Variants in ERBB4 observed in about 807,000 individuals in gnomAD.
The protein encoded by ERBB4 is receptor tyrosine-protein kinase erbB-4.
A neutral mutation model predicts 158.0 loss-of-function variants in ERBB4; 42 were observed. The observed-to-expected ratio is 0.27, with a 90% CI of 0.21 to 0.34. The LOEUF is 0.34. Ranked by LOEUF, ERBB4 falls within the 10% of genes least tolerant of loss-of-function variation. The probability of loss-of-function intolerance (pLI) is 1.00; values close to 1 mark genes in which losing one functional copy is unlikely to be tolerated. For missense variants in ERBB4, 1,333 were observed against 1,624.1 expected, an observed-to-expected ratio of 0.82 and a Z score of 3.08; for synonymous variants, 583 against 558.7, an observed-to-expected ratio of 1.04 and a Z score of -0.61.
At chr2:211,858,718 C>G (rs1397287190) in intron 3 of ERBB4, among the ~76,000 whole-genome samples, 1 of 152,152 alleles carries the variant, frequency 6.6e-6, no homozygotes, top group Non-Finnish European at 1.5e-5. Context: ...TAGAAATATA[C>G]TTTCCATTAA....
At chr2:212,160,507 T>A (rs1262443866) in intron 1 of ERBB4, among the ~76,000 whole-genome samples, 1 of 151,996 alleles carries the variant, frequency 6.6e-6, no homozygotes, top group Non-Finnish European at 1.5e-5. Flanking sequence ...TAAATGTATA[T>A]CAGTGTGAAT....
chr2:211,770,500 C>G (rs1385630892), intron 4 of ERBB4, among the ~76,000 whole-genome samples: 2 of 152,152 alleles, frequency 1.3e-5, no homozygotes, highest in Non-Finnish European at 2.9e-5. Context: ...AAACCTTTCT[C>G]ATATCAGTGA....
At chr2:212,331,179 T>C (rs913892248) in intron 1 of ERBB4, among the ~76,000 whole-genome samples, 1 of 149,884 alleles carries the variant, frequency 6.7e-6, no homozygotes, top group Non-Finnish European at 1.5e-5. Flanking sequence ...ACAGACCACA[T>C]AATGATGTAT....
chr2:211,942,835 C>T (rs2080543570), intron 3 of ERBB4, among the ~76,000 whole-genome samples: 1 of 152,086 alleles, frequency 6.6e-6, no homozygotes, highest in East Asian at 1.9e-4. Context: ...AAGATATTCT[C>T]ATAATTTATA....
chr2:211,442,642 GTA>G (rs776165635), intron 20 of ERBB4, among the ~76,000 whole-genome samples: 34 of 150,110 alleles, frequency 2.3e-4, no homozygotes, highest in Admixed American at 4.6e-4. Context: ...ACACACACAC[GTA>G]TATATGTGTG....
At chr2:212,133,702 C>T (rs763516012) in intron 1 of ERBB4, among the ~76,000 whole-genome samples, 4 of 151,160 alleles carry the variant, frequency 2.6e-5, no homozygotes, top group African/African-American at 9.7e-5. Flanking sequence ...TGGTGGCTCA[C>T]GCCTGAAATC....
intron 1 of ERBB4, among the ~76,000 whole-genome samples, chr2:212,480,062 GAATT>G (rs1306703151): frequency 6.6e-6 from 1 of 152,068 alleles, no homozygotes; most frequent in Non-Finnish European, 1.5e-5. Flanking sequence ...ACTCTTGTGG[GAATT>G]AATTATTACT....
At chr2:212,291,935 T>C (rs1183357249) in intron 1 of ERBB4, among the ~76,000 whole-genome samples, 1 of 152,014 alleles carries the variant, frequency 6.6e-6, no homozygotes. Context: ...GTTTGTAGTT[T>C]GTGGACTGTT....
At chr2:212,021,965 CAAT>C (rs771835724) in intron 2 of ERBB4, among the ~76,000 whole-genome samples, 20 of 152,088 alleles carry the variant, frequency 1.3e-4, no homozygotes, top group Non-Finnish European at 2.1e-4. Context: ...ATCAAAACAA[CAAT>C]GAGATACCAT....
chr2:211,705,675 T>C (rs778103642), intron 9 of ERBB4, among the ~76,000 whole-genome samples: 3 of 152,202 alleles, frequency 2.0e-5, no homozygotes, highest in Non-Finnish European at 4.4e-5. Context: ...AGCAAGCTCA[T>C]GTATGAACCA....
intron 1 of ERBB4, among the ~76,000 whole-genome samples, chr2:212,404,646 A>AT (rs1303722686): frequency 2.0e-5 from 3 of 151,908 alleles, no homozygotes; most frequent in Non-Finnish European, 4.4e-5. Context: ...TTGTAGGGGG[A>AT]TTTTTTTAAC....
At chr2:212,284,823 A>G (rs957439171) in intron 1 of ERBB4, among the ~76,000 whole-genome samples, 2 of 152,128 alleles carry the variant, frequency 1.3e-5, no homozygotes, top group African/African-American at 2.4e-5. Context: ...GTTTACAAAT[A>G]ACAGGATGGC....
chr2:212,232,599 G>A (rs976030037), intron 1 of ERBB4, among the ~76,000 whole-genome samples: 4 of 151,990 alleles, frequency 2.6e-5, no homozygotes, highest in Admixed American at 1.3e-4. Flanking sequence ...TAGTAGAGAC[G>A]GGGTTTCACC....
chr2:212,496,464 T>C (rs935207784), intron 1 of ERBB4, among the ~76,000 whole-genome samples: 3 of 152,132 alleles, frequency 2.0e-5, no homozygotes, highest in Non-Finnish European at 4.4e-5. Flanking sequence ...AAAAGTAGAC[T>C]CTGATAAAAA....
intron 27 of ERBB4, among the ~76,000 whole-genome samples, chr2:211,385,874 TTTG>T (rs1252483124): frequency 1.3e-5 from 2 of 152,202 alleles, no homozygotes; most frequent in African/African-American, 4.8e-5. Flanking sequence ...AACGTCTACA[TTTG>T]TGTCATTACT....
intron 20 of ERBB4, among the ~76,000 whole-genome samples, chr2:211,531,571 T>A (rs889412391): frequency 6.6e-6 from 1 of 152,090 alleles, no homozygotes; most frequent in Non-Finnish European, 1.5e-5. Flanking sequence ...CTCAACATCA[T>A]TGATCAACAG....
chr2:211,782,857 C>A (rs908732420), intron 4 of ERBB4, among the ~76,000 whole-genome samples: 1 of 152,164 alleles, frequency 6.6e-6, no homozygotes, highest in African/African-American at 2.4e-5. Context: ...GCGATACGGG[C>A]TCTTTTTTGG....
intron 20 of ERBB4, among the ~76,000 whole-genome samples, chr2:211,528,315 A>G (rs9636332): frequency 0.47 from 71,485 of 151,746 alleles, 17,103 homozygotes; most frequent in East Asian, 0.72. Flanking sequence ...TATAACAATC[A>G]TAAATATATA....
intron 21 of ERBB4, 147 bp downstream of exon 21, chr2:211,430,798 C>T: frequency 2.9e-6 from 2 of 685,664 alleles, no homozygotes; most frequent in South Asian, 3.2e-5. Flanking sequence ...ATATATATAC[C>T]CGGGGCAGGA....
Sources: allele counts gnomAD v4.1 joint callset (sites outside exome capture counted in the v4.1 genomes callset), GRCh38; gene constraint gnomAD v4.1.1; transcripts MANE v1.5; gene names NCBI Gene and HGNC (gene_info 2026-07-23, HGNC 2026-07-21).